The following RASA2 variants were observed in gnomAD, a reference collection of about 807,000 sequenced individuals.
RASA2 encodes the protein ras GTPase-activating protein 2.
Under a neutral mutation model 118.2 loss-of-function variants are expected in RASA2, and 155 were observed. That is an observed-to-expected ratio of 1.31 (90% CI 1.15 to 1.50). RASA2 has a LOEUF of 1.50. Among genes scored for constraint, RASA2 ranks in the 40% most tolerant of loss-of-function variants. RASA2 has a pLI of 0.00. For synonymous variants in RASA2, 353 were observed against 349.1 expected (o/e 1.01, Z -0.12); for missense variants, 1,016 against 1,009.6 (o/e 1.01, Z -0.09).
chr3:141,563,135 G>A (rs990572567), intron 9 of RASA2, among the ~76,000 whole-genome samples: 6 of 152,142 alleles, frequency 3.9e-5, no homozygotes, highest in African/African-American at 1.4e-4. Flanking sequence ...TGTCAAAACT[G>A]CTTACTCTTG....
chr3:141,611,050 G>A (rs1194431010), intron 23 of RASA2, among the ~76,000 whole-genome samples: 1 of 152,108 alleles, frequency 6.6e-6, no homozygotes, highest in African/African-American at 2.4e-5. Context: ...CTCCAGCAAG[G>A]GGCACTGTGC....
At chr3:141,555,357 G>T (rs1208680267) in intron 6 of RASA2, among the ~76,000 whole-genome samples, 1 of 152,164 alleles carries the variant, frequency 6.6e-6, no homozygotes, top group Non-Finnish European at 1.5e-5. Flanking sequence ...AAAAACACAA[G>T]ATTTCCTTAT....
chr3:141,534,264 A>G (rs1226596120), intron 4 of RASA2, among the ~76,000 whole-genome samples: 1 of 152,156 alleles, frequency 6.6e-6, no homozygotes, highest in Non-Finnish European at 1.5e-5. Flanking sequence ...CAGGCCGGGT[A>G]TGGTGGCCCA....
intron 19 of RASA2, among the ~76,000 whole-genome samples, chr3:141,605,959 T>C (rs996536748): frequency 6.6e-6 from 1 of 152,188 alleles, no homozygotes; most frequent in Non-Finnish European, 1.5e-5. Context: ...ATTGCACTGC[T>C]CTGCAGCCCA....
intron 9 of RASA2, 133 bp downstream of exon 9, chr3:141,560,128 T>A (rs970534507): frequency 1.3e-5 from 8 of 617,354 alleles, no homozygotes; most frequent in Middle Eastern, 3.2e-4. Flanking sequence ...AATATTGATA[T>A]GTTCATTAAT....
chr3:141,607,340 G>C (rs1355893217), intron 19 of RASA2, among the ~76,000 whole-genome samples: 1 of 152,130 alleles, frequency 6.6e-6, no homozygotes, highest in Non-Finnish European at 1.5e-5. Flanking sequence ...CAAGTTTTGA[G>C]TTGGCCTCTT....
At chr3:141,573,368 G>T in intron 13 of RASA2, 147 bp downstream of exon 13, 1 of 835,188 alleles carries the variant, frequency 1.2e-6, no homozygotes. Flanking sequence ...AGCACTTCCA[G>T]CTCCTAGGAT....
chr3:141,489,781 T>C (rs1045481047), intron 1 of RASA2, among the ~76,000 whole-genome samples: 1 of 152,188 alleles, frequency 6.6e-6, no homozygotes, highest in Admixed American at 6.5e-5. Context: ...TTCATTCCTG[T>C]AATTATTTCC....
chr3:141,528,492 C>T (rs1339816375), intron 3 of RASA2, among the ~76,000 whole-genome samples: 4 of 151,786 alleles, frequency 2.6e-5, no homozygotes, highest in Non-Finnish European at 4.4e-5. Flanking sequence ...TTTTAGTGTA[C>T]GGTTCTTGTA....
chr3:141,542,314 A>G (rs2151103574), intron 5 of RASA2, among the ~76,000 whole-genome samples: 1 of 152,300 alleles, frequency 6.6e-6, no homozygotes, highest in Non-Finnish European at 1.5e-5. Context: ...TCTTTCACTT[A>G]GCATAATGCT....
intron 19 of RASA2, among the ~76,000 whole-genome samples, chr3:141,599,534 G>C (rs149712902): frequency 3.3e-5 from 5 of 152,266 alleles, no homozygotes; most frequent in African/African-American, 1.2e-4. Flanking sequence ...AAGCAATGTT[G>C]TATTCTGGCA....
rs142314378 is a variant in RASA2 at position 141,604,025 on chromosome 3, T to C, written c.1934-3653T>C. ...GGTTGTTTTTGGTTTTTGGCTATTA[T>C]GAACAATGCAGTTGTGAACATTCAT... is the stretch of plus-strand genomic sequence containing the variant. On this transcript the variant is annotated intron_variant, in intron 19 of 23. Coordinates refer to ENST00000286364, the MANE Select transcript of RASA2 (RefSeq NM_006506.5). Among the ~76,000 whole-genome samples, 296 of 152,382 alleles carry C rather than the reference T, an allele frequency of 1.9e-3. 1 individual carries two copies. The highest frequency in any genetic ancestry group is 3.6e-3 in the Non-Finnish European group (243 of 68,038).
chr3:141,499,468 C>G (rs187561396), intron 1 of RASA2, among the ~76,000 whole-genome samples: 1 of 152,190 alleles, frequency 6.6e-6, no homozygotes, highest in Non-Finnish European at 1.5e-5. Flanking sequence ...CACTGAGTCT[C>G]GGCTAGCCAC....
At position 141,512,613 on chromosome 3, in the gene RASA2, CAGAT is replaced by C. The variant is rs760375385; in HGVS notation, c.251+338_251+341del. On this transcript the variant is annotated intron_variant, in intron 2 of 23. Transcript: ENST00000286364. ...AGTGCATTATCAGGGAATGAATTCT[CAGAT>C]AGATGTCTCATCTTTGAAAGTGTAA... 1.6e-4 allele frequency among the ~76,000 whole-genome samples: 24 copies of C among 152,274 alleles called. No individual in the cohort carries two copies. In the South Asian group the frequency reaches 3.9e-3, roughly 25 times the overall value.
chr3:141,544,403 T>C (rs1245604014), intron 5 of RASA2, among the ~76,000 whole-genome samples: 1 of 152,206 alleles, frequency 6.6e-6, no homozygotes, highest in African/African-American at 2.4e-5. Flanking sequence ...AGGTCTTTTT[T>C]TTACAGTCCC....
chr3:141,565,621 G>A (rs1029876795), intron 9 of RASA2, among the ~76,000 whole-genome samples: 16 of 152,268 alleles, frequency 1.1e-4, no homozygotes, highest in African/African-American at 3.6e-4. Context: ...CTTGCCTGCC[G>A]CATGTAAGAC....
At chr3:141,514,730 C>A (rs192889610) in intron 2 of RASA2, among the ~76,000 whole-genome samples, 1 of 152,294 alleles carries the variant, frequency 6.6e-6, no homozygotes, top group East Asian at 1.9e-4. Flanking sequence ...TAAGAATGTT[C>A]ATAGCAGCTT....
At chr3:141,580,085 A>ATATATATATAT (rs1353911779) in intron 15 of RASA2, among the ~76,000 whole-genome samples, 20 of 59,586 alleles carry the variant, frequency 3.4e-4, no homozygotes, top group South Asian at 9.1e-4. Flanking sequence ...AAAAAAAAAA[A>ATATATATATAT]ATATATATAT....
chr3:141,603,779 A>G (rs1033796704), intron 19 of RASA2, among the ~76,000 whole-genome samples: 5 of 152,102 alleles, frequency 3.3e-5, no homozygotes, highest in Non-Finnish European at 7.4e-5. Flanking sequence ...GACAACCACT[A>G]ATATACTTTC....
Sources: gnomAD v4.1 joint callset for allele counts (sites outside exome capture counted in the v4.1 genomes callset) on GRCh38, gnomAD v4.1.1 for gene constraint, MANE v1.5 for transcripts, NCBI Gene and HGNC (gene_info 2026-07-23, HGNC 2026-07-21) for gene names.